The following DNAH12 variants were observed in gnomAD, a reference collection of about 807,000 sequenced individuals.
DNAH12 encodes the protein axonemal beta dynein heavy chain 12.
A neutral mutation model predicts 371.5 loss-of-function variants in DNAH12; 285 were observed. That is an observed-to-expected ratio of 0.77 (90% CI 0.70 to 0.85). DNAH12 has a LOEUF of 0.85. Ranked by LOEUF, DNAH12 falls within the 40% of genes least tolerant of loss-of-function variation. The pLI, the probability that DNAH12 is intolerant of heterozygous loss-of-function variation, is 0.00. For missense variants in DNAH12, 3,611 were observed against 3,689.4 expected, an observed-to-expected ratio of 0.98 and a Z score of 0.55; for synonymous variants, 1,200 against 1,213.0, an observed-to-expected ratio of 0.99 and a Z score of 0.22.
chr3:57,479,982 T>C (rs1373087327), intron 13 of DNAH12, among the ~76,000 whole-genome samples: 5 of 151,904 alleles, frequency 3.3e-5, no homozygotes, highest in Admixed American at 1.3e-4. Context: ...AGGTCCAAAA[T>C]TGACACCCTA....
At chr3:57,502,565 T>C in intron 9 of DNAH12, 86 bp from the exon 10 acceptor site, 1 of 1,369,872 alleles carries the variant, frequency 7.3e-7, no homozygotes, top group Non-Finnish European at 9.9e-7. Context: ...TTTTTTTCCT[T>C]TGGAGACGGA....
intron 62 of DNAH12, among the ~76,000 whole-genome samples, chr3:57,325,463 G>T (rs370257872): frequency 6.6e-6 from 1 of 152,182 alleles, no homozygotes; most frequent in African/African-American, 2.4e-5. Flanking sequence ...AGGCAAACAG[G>T]GTCTGGAGTG....
chr3:57,406,712 C>T (rs1460002159), intron 40 of DNAH12, among the ~76,000 whole-genome samples: 1 of 152,022 alleles, frequency 6.6e-6, no homozygotes, highest in Non-Finnish European at 1.5e-5. Flanking sequence ...CAAAATAAAT[C>T]AATTTGTTCT....
chr3:57,320,567 A>G (rs2153289386), intron 65 of DNAH12, among the ~76,000 whole-genome samples: 1 of 152,354 alleles, frequency 6.6e-6, no homozygotes, highest in South Asian at 2.1e-4. Context: ...ATCGAAAGGC[A>G]TTCCAGCTAT....
intron 69 of DNAH12, among the ~76,000 whole-genome samples, chr3:57,302,851 C>T (rs1047501106): frequency 6.7e-6 from 1 of 149,416 alleles, no homozygotes; most frequent in Non-Finnish European, 1.5e-5. Context: ...GCTGGGATTA[C>T]AGGCGTGAGC....
At chr3:57,454,585 TG>T (rs1446263857) in intron 23 of DNAH12, among the ~76,000 whole-genome samples, 189 bp downstream of exon 23, 1 of 152,060 alleles carries the variant, frequency 6.6e-6, no homozygotes, top group Admixed American at 6.6e-5. Context: ...AAACATAGGA[TG>T]GGGCCAGGCA....
Position 57,433,633 on chromosome 3 carries a change from T to C in DNAH12, c.4839+12A>G, listed in dbSNP as rs2065020843. On this transcript the variant is annotated intron_variant, in intron 31 of 73. Coordinates refer to ENST00000495027, the MANE Select transcript of DNAH12 (RefSeq NM_001366028.2). ...TCCATAAGAGAGTTGGGAATACTTA[T>C]ATTTAGGTTACCTCATGAGACACTG... 1.9e-6 allele frequency: 3 copies of C among 1,542,228 alleles called. No homozygotes were observed. The highest frequency in any genetic ancestry group is 1.4e-5 in the African/African-American group (1 of 72,592).
intron 58 of DNAH12, among the ~76,000 whole-genome samples, chr3:57,359,559 CAAAAAAAAAAA>C (rs1268515074): frequency 1.4e-5 from 1 of 72,106 alleles, no homozygotes; most frequent in Admixed American, 1.8e-4. Context: ...AACTCCATCT[CAAAAAAAAAAA>C]AAAAAAAAAA....
chr3:57,444,966 T>TA, intron 28 of DNAH12, 150 bp from the exon 29 acceptor site: 1 of 1,043,238 alleles, frequency 9.6e-7, no homozygotes, highest in Non-Finnish European at 1.3e-6. Context: ...ATCCCTATAA[T>TA]AAAAAGTCAA....
At chr3:57,308,224 C>T (rs1390586682) in intron 69 of DNAH12, among the ~76,000 whole-genome samples, 1 of 152,158 alleles carries the variant, frequency 6.6e-6, no homozygotes, top group African/African-American at 2.4e-5. Context: ...GTCACTTCTT[C>T]CCTTCTGTCA....
chr3:57,460,499 C>T (rs2066025089), intron 19 of DNAH12, among the ~76,000 whole-genome samples: 1 of 152,114 alleles, frequency 6.6e-6, no homozygotes, highest in Non-Finnish European at 1.5e-5. Flanking sequence ...TGTCTCATAT[C>T]TTCGATTTTT....
chr3:57,308,237 C>T (rs2061512585), intron 69 of DNAH12, among the ~76,000 whole-genome samples: 1 of 152,164 alleles, frequency 6.6e-6, no homozygotes, highest in Admixed American at 6.5e-5. Flanking sequence ...TTCTGTCAGA[C>T]ATAATTCCTC....
At chr3:57,485,544 GGCGC>G (rs541713471) in intron 12 of DNAH12, among the ~76,000 whole-genome samples, 3,252 of 151,982 alleles carry the variant, frequency 0.021, 110 homozygotes, top group African/African-American at 0.074. Context: ...TGGGATTACA[GGCGC>G]GTGCCACCAC....
chr3:57,344,271 C>A (rs1039533762), intron 60 of DNAH12, among the ~76,000 whole-genome samples: 19 of 89,512 alleles, frequency 2.1e-4, no homozygotes, highest in Admixed American at 1.1e-3. Flanking sequence ...GAATGGCTAT[C>A]ATCAAAAAGC....
At chr3:57,322,618 C>G in intron 64 of DNAH12, 135 bp from the exon 65 acceptor site, 2 of 1,093,624 alleles carry the variant, frequency 1.8e-6, no homozygotes, top group Non-Finnish European at 2.5e-6. Flanking sequence ...GGTTAAGCAT[C>G]TGAGGCTTGA....
At chr3:57,302,529 G>GTTCA (rs879293648) in intron 69 of DNAH12, among the ~76,000 whole-genome samples, 10 of 47,828 alleles carry the variant, frequency 2.1e-4, no homozygotes, top group African/African-American at 8.5e-4. Flanking sequence ...GGCATCAGGT[G>GTTCA]TATATATATA....
chr3:57,416,442 G>A (rs973229264), intron 37 of DNAH12, among the ~76,000 whole-genome samples: 7 of 152,210 alleles, frequency 4.6e-5, no homozygotes, highest in Admixed American at 2.0e-4. Flanking sequence ...ATGTAATATC[G>A]CTATATATAA....
intron 27 of DNAH12, among the ~76,000 whole-genome samples, chr3:57,445,761 G>T (rs1186606360): frequency 6.6e-6 from 1 of 151,960 alleles, no homozygotes; most frequent in African/African-American, 2.4e-5. Flanking sequence ...GGCTGAGGCG[G>T]GCGAATCATG....
At chr3:57,520,034 C>T in intron 4 of DNAH12, 3 of 700,438 alleles carry the variant, frequency 4.3e-6, no homozygotes, top group South Asian at 1.7e-5. Flanking sequence ...AGCCGATGGC[C>T]GACGTTGGGT....
Sources: allele counts gnomAD v4.1 joint callset (sites outside exome capture counted in the v4.1 genomes callset), GRCh38; gene constraint gnomAD v4.1.1; transcripts MANE v1.5; gene names NCBI Gene and HGNC (gene_info 2026-07-23, HGNC 2026-07-21).